The following ANKFY1 variants were observed in gnomAD, a reference collection of about 807,000 sequenced individuals.
ANKFY1 encodes the protein ankyrin repeat and FYVE domain containing 1.
A neutral mutation model predicts 128.3 loss-of-function variants in ANKFY1; 47 were observed. The observed-to-expected ratio is 0.37, with a 90% confidence interval of 0.29 to 0.47. The LOEUF is 0.47. Among genes scored for constraint, ANKFY1 ranks in the 20% least tolerant of loss-of-function variants. The pLI is 1.00. For synonymous variants in ANKFY1, 553 were observed against 601.6 expected (o/e 0.92, Z 1.18); for missense variants, 1,222 against 1,510.6 (o/e 0.81, Z 3.17).
rs1766993319 is a variant in ANKFY1 at position 4,181,275 on chromosome 17, G to A, written c.2219C>T (p.Thr740Ile). Residue 740 changes from threonine (T) to isoleucine (I), a missense_variant, in exon 16 of 25, where the codon ACC becomes ATC. Transcript: ENST00000341657. The surrounding 1 kb of genome is among the most constrained non-coding windows in gnomAD (Gnocchi z 4.9). Reference protein sequence around the residue: ...HRAIDENNEPTACFLIRSGCD... With the variant: ...HRAIDENNEPIACFLIRSGCD... The stretch of plus-strand genomic sequence containing the variant: ...AGACCTGCGAATAAGAAAGCAGGCG[G>A]TGGGCTCGTTGTTTTCATCAATGGC... 8 of 1,613,976 alleles carry A rather than the reference G, an allele frequency of 5.0e-6. No individual in the cohort carries two copies. Among genetic ancestry groups the A allele is most frequent in the South Asian group, 1.1e-5 (1 of 91,086 alleles).
In ANKFY1 at chr17:4,227,723, T is replaced by G. The variant is rs1276972105; in HGVS notation, c.322+8049A>C. ...TGAAAAGGCCAAAGATGTGAATACT[T>G]TATAAGAAAATATAAAATTGTCAAT... is the stretch of plus-strand genomic sequence containing the variant. On this transcript the variant is annotated intron_variant, in intron 3 of 24. Coordinates refer to ENST00000341657, the MANE Select transcript of ANKFY1 (RefSeq NM_001330063.2). 2.0e-5 allele frequency among the ~76,000 whole-genome samples: 3 copies of G among 152,202 alleles called. No homozygotes were observed. The East Asian group carries it at 5.8e-4, about 29-fold the overall frequency.
At chr17:4,236,735 A>C (rs945053866) in intron 2 of ANKFY1, among the ~76,000 whole-genome samples, 8 of 152,148 alleles carry the variant, frequency 5.3e-5, no homozygotes, top group African/African-American at 1.7e-4. Flanking sequence ...TCAACTTTAA[A>C]ATTATTTACT....
chr17:4,222,838 T>G, intron 3 of ANKFY1: 1 of 962,244 alleles, frequency 1.0e-6, no homozygotes. Context: ...TCCCAAGGGT[T>G]GTCTCAGCCA....
At chr17:4,190,273 T>C (rs1357523947) in intron 10 of ANKFY1, among the ~76,000 whole-genome samples, 1 of 152,088 alleles carries the variant, frequency 6.6e-6, no homozygotes, top group Non-Finnish European at 1.5e-5. Context: ...AAAACCTGTC[T>C]CTACTAAAAA....
At chr17:4,236,938 C>T (rs984846854) in intron 2 of ANKFY1, among the ~76,000 whole-genome samples, 1 of 152,004 alleles carries the variant, frequency 6.6e-6, no homozygotes, top group East Asian at 1.9e-4. Context: ...GAGATTGAGA[C>T]CATCCTGGCT....
chr17:4,205,492 C>T (rs570040598), intron 7 of ANKFY1, among the ~76,000 whole-genome samples: 1 of 152,224 alleles, frequency 6.6e-6, no homozygotes, highest in East Asian at 1.9e-4. Flanking sequence ...CCTCTAATCC[C>T]AGCACTTTGG....
At chr17:4,189,085 G>A (rs1334006027) in intron 11 of ANKFY1, among the ~76,000 whole-genome samples, 1 of 152,148 alleles carries the variant, frequency 6.6e-6, no homozygotes, top group African/African-American at 2.4e-5. Flanking sequence ...CGGTAGGTTT[G>A]TGCACGCGTT....
At position 4,206,464 on chromosome 17, in the gene ANKFY1, G is replaced by A. The variant is rs372645193; in HGVS notation, c.755C>T (p.Ala252Val). The A allele has an allele frequency of 1.1e-5, 17 of 1,612,718 alleles. No homozygotes were observed. The African/African-American group carries it at 1.2e-4, about 11-fold the overall frequency. ...DSQLPGKLNE[A>V]DHNGDLALDL... ...TAATGCCAGATCTCCGTTATGATCC[G>A]CTTCATTCAGCTTCCCAGGGAGCTA... is the stretch of plus-strand genomic sequence containing the variant. Residue 252 changes from alanine (A) to valine (V), a missense_variant, in exon 7 of 25, where the codon GCG becomes GTG. Coordinates refer to ENST00000341657, the MANE Select transcript of ANKFY1 (RefSeq NM_001330063.2).
intron 3 of ANKFY1, among the ~76,000 whole-genome samples, chr17:4,218,065 T>C (rs1301020536): frequency 2.6e-5 from 4 of 152,220 alleles, no homozygotes; most frequent in Admixed American, 6.5e-5. Context: ...GGGCAATGGA[T>C]ACAAATAGGT....
chr17:4,168,127 A>T, intron 24 of ANKFY1: 1 of 444,882 alleles, frequency 2.2e-6, no homozygotes, highest in East Asian at 3.6e-5. Context: ...AGCAATACTG[A>T]AGAAGGCTTT....
rs145627886 is a variant in ANKFY1, at chr17:4,173,013, C to A, written c.3015-333G>T. Among the ~76,000 whole-genome samples the A allele has an allele frequency of 2.1e-4, 32 of 152,320 alleles. No homozygotes were observed. In the East Asian group the frequency reaches 4.8e-3, roughly 23 times the overall value. On this transcript the variant is annotated intron_variant, in intron 21 of 24. Transcript: ENST00000341657. ...CTGGGACTACAGGCGCCCGCCACCA[C>A]GCCCAGATAATTTTTTGTATTTTTA... is the stretch of plus-strand genomic sequence containing the variant.
chr17:4,215,319 C>G (rs1374263034), intron 4 of ANKFY1, among the ~76,000 whole-genome samples: 3 of 149,816 alleles, frequency 2.0e-5, no homozygotes, highest in Admixed American at 6.7e-5. Flanking sequence ...AGAGTATTTT[C>G]TTCAGTGTGC....
intron 1 of ANKFY1, among the ~76,000 whole-genome samples, chr17:4,250,163 A>G (rs1278851622): frequency 6.6e-6 from 1 of 152,174 alleles, no homozygotes; most frequent in Non-Finnish European, 1.5e-5. Context: ...AACTTTTTCT[A>G]AATTTTCTTC....
chr17:4,213,728 C>A, intron 4 of ANKFY1, among the ~76,000 whole-genome samples: 1 of 152,008 alleles, frequency 6.6e-6, no homozygotes, highest in East Asian at 1.9e-4. Context: ...CGCCTGCCAC[C>A]ACGCCCAGCT....
chr17:4,192,969 C>G (rs2059745025), intron 10 of ANKFY1, among the ~76,000 whole-genome samples: 1 of 152,078 alleles, frequency 6.6e-6, no homozygotes, highest in Admixed American at 6.6e-5. Context: ...CTGAGCCTGT[C>G]TAGACTTAAC....
chr17:4,214,557 C>T (rs184852061), intron 4 of ANKFY1, among the ~76,000 whole-genome samples: 122 of 142,044 alleles, frequency 8.6e-4, no homozygotes, highest in African/African-American at 2.9e-3. Context: ...TGGACTTTCA[C>T]TCATATTGCC....
chr17:4,240,869 C>T (rs1835207869), intron 2 of ANKFY1, among the ~76,000 whole-genome samples: 1 of 152,146 alleles, frequency 6.6e-6, no homozygotes, highest in Admixed American at 6.6e-5. Context: ...CTAAACTGGC[C>T]CCCTCCCTGT....
chr17:4,219,887 T>C (rs1425759849), intron 3 of ANKFY1, among the ~76,000 whole-genome samples: 1 of 152,178 alleles, frequency 6.6e-6, no homozygotes, highest in East Asian at 1.9e-4. Context: ...AGTGGCGCGA[T>C]CTGAGCTCAC....
intron 7 of ANKFY1, among the ~76,000 whole-genome samples, chr17:4,205,792 A>G (rs532540561): frequency 5.5e-4 from 83 of 152,270 alleles, no homozygotes; most frequent in Non-Finnish European, 8.4e-4. Context: ...TCATTTCTGT[A>G]TTCTTCCAAC....
Sources: allele counts gnomAD v4.1 joint callset (sites outside exome capture counted in the v4.1 genomes callset), GRCh38; gene constraint gnomAD v4.1.1; non-coding constraint Gnocchi (gnomAD v3.1); transcripts MANE v1.5; gene names NCBI Gene and HGNC (gene_info 2026-07-23, HGNC 2026-07-21).